The following TMCC2 variants were observed in gnomAD, a reference collection of about 807,000 sequenced individuals.
TMCC2 encodes transmembrane and coiled-coil domain family 2, also known as transmembrane and coiled-coil domains protein 2.
In TMCC2, 16 loss-of-function variants were observed where a neutral mutation model predicts 49.4. That is an observed-to-expected ratio of 0.32 (90% CI 0.22 to 0.49). TMCC2 has a LOEUF of 0.49. TMCC2 is among the 20% of genes least tolerant of loss of function. The pLI, the probability that TMCC2 is intolerant of heterozygous loss-of-function variation, is 0.99. For synonymous variants in TMCC2, 397 were observed against 434.1 expected (o/e 0.91, Z 1.06); for missense variants, 762 against 989.8 (o/e 0.77, Z 3.09).
At chr1:205,249,839 C>A (rs1014805038) in intron 2 of TMCC2, among the ~76,000 whole-genome samples, 1 of 152,242 alleles carries the variant, frequency 6.6e-6, no homozygotes, top group Non-Finnish European at 1.5e-5. Context: ...CTTTCAAGGC[C>A]GTGCCTGTGC....
intron 2 of TMCC2, chr1:205,256,304 C>G: frequency 6.5e-7 from 1 of 1,549,232 alleles, no homozygotes; most frequent in Non-Finnish European, 8.7e-7. Context: ...CAGCCGGTGA[C>G]ACTGCTCACT....
chr1:205,267,537 G>A (rs1240533912), intron 2 of TMCC2, among the ~76,000 whole-genome samples: 5 of 152,168 alleles, frequency 3.3e-5, no homozygotes, highest in East Asian at 1.9e-4. Flanking sequence ...TGCTGCTTCC[G>A]TTGTTGTATG....
rs1338761042 is a variant in TMCC2, at chr1:205,272,400, A to G, written c.*276A>G. The G allele has an allele frequency of 1.9e-6, 1 of 531,852 alleles. No individual in the cohort carries two copies. Among genetic ancestry groups the G allele is most frequent in the Admixed American group, 3.5e-5 (1 of 28,582 alleles). 32.9% of individuals were successfully genotyped at this position (531,852 alleles called of 1,614,324 possible). A position where few individuals can be genotyped will look rare whatever the true frequency, so the allele number is the denominator to read the frequency against. ...TGGGGTTGGATTGTTTTGATTATTT[A>G]TAGTTACACAAGGACTTCTCCCAGC... is the stretch of plus-strand genomic sequence containing the variant. On this transcript the variant is annotated 3_prime_UTR_variant, in exon 5 of 5. Transcript: ENST00000358024.
intron 3 of TMCC2, among the ~76,000 whole-genome samples, chr1:205,270,268 G>A (rs1045448087): frequency 1.3e-5 from 2 of 152,126 alleles, no homozygotes; most frequent in East Asian, 1.9e-4. Flanking sequence ...GGCTGGTCTC[G>A]ATCTCCTGAC....
At chr1:205,249,604 A>G (rs1356215746) in intron 2 of TMCC2, among the ~76,000 whole-genome samples, 3 of 152,194 alleles carry the variant, frequency 2.0e-5, no homozygotes, top group Non-Finnish European at 4.4e-5. Flanking sequence ...GCCTGTTCAC[A>G]CGAATGCATC....
rs910054861 is a variant in TMCC2 at position 205,242,035 on chromosome 1, C to T, written c.738C>T (p.Ile246=). 11 of 1,584,508 alleles carry T rather than the reference C, an allele frequency of 6.9e-6. No homozygotes were observed. Among genetic ancestry groups the T allele is most frequent in the South Asian group, 6.9e-5 (6 of 86,810 alleles). Residue 246 remains isoleucine (I), a synonymous_variant, in exon 2 of 5, where the codon ATC becomes ATT. Transcript: ENST00000358024. ...VYLLAEEAEG[I]GDKVDKGDLV... is the part of the protein sequence containing the mutation. ...TCCTGGCTGAGGAGGCCGAAGGCAT[C>T]GGGGACAAGGTGAGATGGGCCTTCT...
At chr1:205,268,875 A>G in intron 2 of TMCC2, 75 bp from the exon 3 acceptor site, 1 of 1,440,892 alleles carries the variant, frequency 6.9e-7, no homozygotes, top group Non-Finnish European at 9.5e-7. Context: ...AGAAAAACCA[A>G]GTCCAGAGGC....
At chr1:205,247,065 G>C (rs771857139) in intron 2 of TMCC2, among the ~76,000 whole-genome samples, 1 of 152,190 alleles carries the variant, frequency 6.6e-6, no homozygotes, top group Non-Finnish European at 1.5e-5. Context: ...CTGATGAGGG[G>C]ACGGTTCCCT....
chr1:205,229,548 G>GGGGGGGGGTGGTGGCGGGGGC, intron 1 of TMCC2: 2 of 380,110 alleles, frequency 5.3e-6, no homozygotes, highest in Non-Finnish European at 6.6e-6. Flanking sequence ...GAAGGGGCGG[G>GGGGGGGGGTGGTGGCGGGGGC]GGGGGGGGGG....
chr1:205,262,100 G>A (rs2102595719), intron 2 of TMCC2, among the ~76,000 whole-genome samples: 1 of 152,222 alleles, frequency 6.6e-6, no homozygotes, highest in African/African-American at 2.4e-5. Context: ...TCTCTCCATC[G>A]AGTCCTGAAA....
intron 2 of TMCC2, among the ~76,000 whole-genome samples, chr1:205,262,198 G>A (rs909763131): frequency 6.6e-6 from 1 of 152,132 alleles, no homozygotes; most frequent in Non-Finnish European, 1.5e-5. Flanking sequence ...TCCCTCCACG[G>A]GGAAGGAGAG....
chr1:205,229,557 GGT>G lies in TMCC2; in HGVS notation c.207+788_207+789del, dbSNP rs1272836371. The G allele has an allele frequency of 2.7e-3, 1,689 of 620,006 alleles. 3 individuals are homozygous for G. The highest frequency in any genetic ancestry group is 0.013 in the Admixed American group (137 of 10,706). 38.4% of individuals were successfully genotyped at this position (620,006 alleles called of 1,614,324 possible). A position where few individuals can be genotyped will look rare whatever the true frequency, so the allele number is the denominator to read the frequency against. On this transcript the variant is annotated intron_variant, in intron 1 of 4. Transcript: ENST00000358024. ...ATCTGTGAAGGGGCGGGGGGGGGGG[GGT>G]GGTGGCGGGGGCGGGGGGGGAAGGT...
intron 2 of TMCC2, among the ~76,000 whole-genome samples, chr1:205,247,755 CA>C (rs1239359534): frequency 3.9e-5 from 6 of 152,054 alleles, no homozygotes; most frequent in Non-Finnish European, 8.8e-5. Context: ...AAGCCTCCCC[CA>C]CTCCCCCACA....
intron 2 of TMCC2, among the ~76,000 whole-genome samples, chr1:205,260,393 A>T (rs1435001326): frequency 6.6e-6 from 1 of 152,124 alleles, no homozygotes; most frequent in Non-Finnish European, 1.5e-5. Context: ...ACTGACTGGG[A>T]GTTGAGTGAT....
At chr1:205,251,170 C>T (rs1432536262) in intron 2 of TMCC2, among the ~76,000 whole-genome samples, 1 of 152,174 alleles carries the variant, frequency 6.6e-6, no homozygotes, top group African/African-American at 2.4e-5. Flanking sequence ...AATGTACACA[C>T]CCTATTGCAT....
At position 205,269,153 on chromosome 1, in the gene TMCC2, T is replaced by C. The variant is rs2102613933; in HGVS notation, c.951T>C (p.Tyr317=). The change falls in exon 3 of 5, where the codon TAT becomes TAC. Residue 317 remains tyrosine (Y), a synonymous_variant. Coordinates refer to ENST00000358024, the MANE Select transcript of TMCC2 (RefSeq NM_014858.4). ...QEARDDNVAE[Y]LKLANNADKQ... Reference sequence around the variant, plus strand: ...CTCGCGACGACAATGTGGCAGAGTATCTGAAACTGGCCAACAACGCGGACA... The same window carrying C: ...CTCGCGACGACAATGTGGCAGAGTACCTGAAACTGGCCAACAACGCGGACA... 1 of 1,614,052 alleles carries C rather than the reference T, an allele frequency of 6.2e-7. No individual in the cohort carries two copies. Among genetic ancestry groups the C allele is most frequent in the Admixed American group, 1.7e-5 (1 of 60,020 alleles).
intron 2 of TMCC2, among the ~76,000 whole-genome samples, chr1:205,256,044 C>G (rs1660858243): frequency 6.6e-6 from 1 of 152,234 alleles, no homozygotes; most frequent in African/African-American, 2.4e-5. Context: ...TATGAGGACT[C>G]CTGATCTCAG....
At chr1:205,270,265 C>A (rs1336373845) in intron 3 of TMCC2, among the ~76,000 whole-genome samples, 1 of 152,182 alleles carries the variant, frequency 6.6e-6, no homozygotes. Context: ...CCAGGCTGGT[C>A]TCGATCTCCT....
chr1:205,252,438 C>T (rs998354148), intron 2 of TMCC2, among the ~76,000 whole-genome samples: 2 of 152,216 alleles, frequency 1.3e-5, no homozygotes, highest in Admixed American at 6.5e-5. Context: ...CTGCTGTTCA[C>T]GCTGAAGAAT....
Sources: gnomAD v4.1 joint callset for allele counts (sites outside exome capture counted in the v4.1 genomes callset) on GRCh38, gnomAD v4.1.1 for gene constraint, MANE v1.5 for transcripts, NCBI Gene and HGNC (gene_info 2026-07-23, HGNC 2026-07-21) for gene names.